The following PCCB variants were observed in gnomAD, a reference collection of about 807,000 sequenced individuals.
PCCB encodes propionyl-CoA carboxylase beta chain, mitochondrial.
A neutral mutation model predicts 60.7 loss-of-function variants in PCCB; 43 were observed. The ratio of observed to expected loss-of-function variants is 0.71; its 90% CI spans 0.55 to 0.91. The LOEUF is 0.91. Among genes scored for constraint, PCCB ranks in the 40% least tolerant of loss-of-function variants. The pLI, the probability that PCCB is intolerant of heterozygous loss-of-function variation, is 0.00. For synonymous variants in PCCB, 276 were observed against 255.9 expected, an observed-to-expected ratio of 1.08 and a Z score of -0.75; for missense variants, 766 against 702.8, an observed-to-expected ratio of 1.09 and a Z score of -1.02.
chr3:136,296,632 G>C (rs771192614), intron 7 of PCCB, among the ~76,000 whole-genome samples: 1 of 152,168 alleles, frequency 6.6e-6, no homozygotes, highest in Non-Finnish European at 1.5e-5. Flanking sequence ...TGAGTTAAAT[G>C]ATAACTCGAT....
At chr3:136,322,987 G>C (rs1044675957) in intron 10 of PCCB, among the ~76,000 whole-genome samples, 4 of 131,086 alleles carry the variant, frequency 3.1e-5, no homozygotes, top group African/African-American at 1.2e-4. Context: ...AGGATTTCTT[G>C]TAAATGATGA....
At position 136,303,603 on chromosome 3, in the gene PCCB, T is replaced by A. The variant is rs185091309; in HGVS notation, c.966+2492T>A. 6.3e-4 allele frequency among the ~76,000 whole-genome samples: 77 copies of A among 122,080 alleles called. 34 individuals are homozygous for A. The East Asian group carries it at 0.044, about 70-fold the overall frequency. The allele number at this position is 122,080 out of a possible 152,430, so 80.1% of individuals were successfully genotyped here. A position where few individuals can be genotyped will look rare whatever the true frequency, so the allele number is the denominator to read the frequency against. ...TATTTGCTTTACTTATTTATTTATT[T>A]AAAAAAAATTTTTTTTTGAGACAGA... On this transcript the variant is annotated intron_variant, in intron 9 of 14. Coordinates refer to ENST00000251654, the MANE Select transcript of PCCB (RefSeq NM_000532.5).
chr3:136,288,242 G>T (rs1372623707), intron 6 of PCCB, among the ~76,000 whole-genome samples: 1 of 152,032 alleles, frequency 6.6e-6, no homozygotes, highest in Non-Finnish European at 1.5e-5. Context: ...AGCGTATTTT[G>T]TTGTTAGATG....
chr3:136,255,880 A>T lies in PCCB; in HGVS notation c.208A>T (p.Ile70Phe). Residue 70 changes from isoleucine to phenylalanine, a missense_variant, in exon 2 of 15, where the codon ATC (isoleucine) becomes TTC (phenylalanine). By Grantham distance (21) the Ile-to-Phe change is conservative (BLOSUM62 0). Coordinates refer to ENST00000251654, the MANE Select transcript of PCCB (RefSeq NM_000532.5). ...GGGAAAGCTAACAGCCAGGGAGAGG[A>T]TCAGTCTCTTGCTGGACCCTGGCAG... Reference protein sequence around the residue: ...KRGKLTARERISLLLDPGSFV... With the variant: ...KRGKLTARERFSLLLDPGSFV... 6.2e-7 allele frequency: 1 copy of T among 1,613,964 alleles called. No individual in the cohort carries two copies. The highest frequency in any genetic ancestry group is 8.5e-7 in the Non-Finnish European group (1 of 1,179,946).
chr3:136,268,104 ATATATATATATATATATG>A (rs1320943539), intron 5 of PCCB, among the ~76,000 whole-genome samples: 8 of 124,482 alleles, frequency 6.4e-5, no homozygotes, highest in East Asian at 2.3e-4. Flanking sequence ...ATATATATAT[ATATATATATATATATATG>A]TATATATATA....
chr3:136,285,359 C>T (rs542405605), intron 6 of PCCB, among the ~76,000 whole-genome samples: 1 of 152,214 alleles, frequency 6.6e-6, no homozygotes, highest in African/African-American at 2.4e-5. Flanking sequence ...TCTCCTTTCT[C>T]TTTAGTATCT....
chr3:136,316,678 C>T (rs1452848815), intron 9 of PCCB, among the ~76,000 whole-genome samples: 1 of 152,124 alleles, frequency 6.6e-6, no homozygotes, highest in Non-Finnish European at 1.5e-5. Context: ...CACAAAAATT[C>T]CACACTCAAA....
intron 5 of PCCB, among the ~76,000 whole-genome samples, chr3:136,282,459 T>C (rs1184226191): frequency 6.6e-6 from 1 of 152,202 alleles, no homozygotes; most frequent in Non-Finnish European, 1.5e-5. Flanking sequence ...TTTAGCTGTA[T>C]TTTTTGAGTT....
At chr3:136,272,735 CTCT>C (rs1942232903) in intron 5 of PCCB, among the ~76,000 whole-genome samples, 1 of 151,890 alleles carries the variant, frequency 6.6e-6, no homozygotes, top group African/African-American at 2.4e-5. Context: ...TGGATCTATT[CTCT>C]TCTTGGTTAG....
At chr3:136,300,087 T>C (rs1408118978) in intron 8 of PCCB, among the ~76,000 whole-genome samples, 2 of 146,470 alleles carry the variant, frequency 1.4e-5, no homozygotes, top group Non-Finnish European at 3.0e-5. Flanking sequence ...CATATACGCA[T>C]ATCTACACAT....
intron 7 of PCCB, among the ~76,000 whole-genome samples, chr3:136,294,789 A>G (rs1276442177): frequency 6.6e-6 from 1 of 150,900 alleles, no homozygotes; most frequent in African/African-American, 2.4e-5. Flanking sequence ...TTTATTTTTA[A>G]TATTTTTTTG....
Sources: gnomAD v4.1 joint callset for allele counts (sites outside exome capture counted in the v4.1 genomes callset) on GRCh38, gnomAD v4.1.1 for gene constraint, MANE v1.5 for transcripts, NCBI Gene and HGNC (gene_info 2026-07-23, HGNC 2026-07-21) for gene names.